CCDC69: variants seen among roughly 807,000 people sequenced by gnomAD.
CCDC69 encodes coiled-coil domain containing 69.
Under a neutral mutation model 40.3 loss-of-function variants are expected in CCDC69, and 38 were observed. The ratio of observed to expected loss-of-function variants is 0.94; its 90% CI spans 0.73 to 1.24. The LOEUF is 1.24. CCDC69 is among the 50% of genes most tolerant of loss of function. The pLI, the probability that CCDC69 is intolerant of heterozygous loss-of-function variation, is 0.00. For synonymous variants in CCDC69, 141 were observed against 138.9 expected (o/e 1.02, Z -0.11); for missense variants, 389 against 357.9 (o/e 1.09, Z -0.70).
chr5:151,224,057 C>T lies in CCDC69; in HGVS notation c.-87G>A. 1 of 1,247,550 alleles carries T rather than the reference C, an allele frequency of 8.0e-7. No homozygotes were observed. The highest frequency in any genetic ancestry group is 1.6e-5 in the African/African-American group (1 of 62,780). 77.3% of individuals were successfully genotyped at this position (1,247,550 alleles called of 1,614,324 possible). The stretch of plus-strand genomic sequence containing the variant: ...TCCGGGCCCCGCTGCCCGCTCCGCG[C>T]CCGCCGGCTGGGGCTGCCGGCGAGA... On this transcript the variant is annotated 5_prime_UTR_variant, in exon 1 of 9. Transcript: ENST00000355417.
At chr5:151,216,520 G>A (rs111987430) in intron 1 of CCDC69, among the ~76,000 whole-genome samples, 12,894 of 148,638 alleles carry the variant, frequency 0.087, 695 homozygotes, top group Middle Eastern at 0.14. Context: ...AGGTTCCAGC[G>A]ATTCTCCTGC....
At chr5:151,189,807 G>C (rs1431038192) in intron 4 of CCDC69, among the ~76,000 whole-genome samples, 2 of 152,168 alleles carry the variant, frequency 1.3e-5, no homozygotes, top group East Asian at 3.8e-4. Context: ...AGAAACCTTA[G>C]AGACCAGAAG....
intron 1 of CCDC69, among the ~76,000 whole-genome samples, chr5:151,217,495 T>C (rs1452152626): frequency 6.6e-6 from 1 of 152,212 alleles, no homozygotes; most frequent in Non-Finnish European, 1.5e-5. Context: ...ACGCACTTGG[T>C]GGCTGAAAAC....
intron 4 of CCDC69, among the ~76,000 whole-genome samples, chr5:151,197,606 G>A (rs939104696): frequency 6.6e-6 from 1 of 152,008 alleles, no homozygotes; most frequent in African/African-American, 2.4e-5. Context: ...GTTTCCTTTT[G>A]GGGTGATGGC....
intron 1 of CCDC69, chr5:151,215,665 G>A: frequency 2.5e-6 from 1 of 393,946 alleles, no homozygotes; most frequent in Non-Finnish European, 5.4e-6. Flanking sequence ...AAGGGTGGTT[G>A]TAAAAGAGAG....
At chr5:151,198,591 C>A (rs143320878) in intron 4 of CCDC69, among the ~76,000 whole-genome samples, 2 of 152,198 alleles carry the variant, frequency 1.3e-5, no homozygotes, top group East Asian at 3.9e-4. Flanking sequence ...GTGATGATCA[C>A]CTTTGGTGAT....
intron 1 of CCDC69, among the ~76,000 whole-genome samples, chr5:151,207,940 T>G (rs561787145): frequency 3.3e-5 from 5 of 152,162 alleles, no homozygotes; most frequent in Admixed American, 3.3e-4. Context: ...TAGATTCAAT[T>G]TTAAGAAACA....
chr5:151,202,887 G>A (rs1752795047), intron 2 of CCDC69, among the ~76,000 whole-genome samples: 1 of 152,164 alleles, frequency 6.6e-6, no homozygotes, highest in African/African-American at 2.4e-5. Context: ...CCACATGAGT[G>A]AGGCTGAGAT....
At chr5:151,193,829 A>G (rs1752658315) in intron 4 of CCDC69, among the ~76,000 whole-genome samples, 1 of 152,212 alleles carries the variant, frequency 6.6e-6, no homozygotes, top group African/African-American at 2.4e-5. Flanking sequence ...CTAGGAGAAA[A>G]TATGTGCAAA....
At chr5:151,217,612 C>T (rs1742689385) in intron 1 of CCDC69, among the ~76,000 whole-genome samples, 1 of 152,184 alleles carries the variant, frequency 6.6e-6, no homozygotes, top group African/African-American at 2.4e-5. Flanking sequence ...TTACCTCCCT[C>T]TCTCCCAGAT....
At chr5:151,198,852 C>G in intron 4 of CCDC69, 145 bp downstream of exon 4, 1 of 688,530 alleles carries the variant, frequency 1.5e-6, no homozygotes, top group East Asian at 2.5e-5. Flanking sequence ...CCCTCTAGGG[C>G]CAAGGATCCT....
intron 4 of CCDC69, among the ~76,000 whole-genome samples, chr5:151,191,454 G>A (rs762181336): frequency 2.0e-5 from 3 of 152,150 alleles, no homozygotes; most frequent in East Asian, 1.9e-4. Flanking sequence ...AAACAAGATC[G>A]ACCATACCCT....
chr5:151,223,877 A>T (rs1423875680), intron 1 of CCDC69, 46 bp downstream of exon 1: 2 of 1,574,240 alleles, frequency 1.3e-6, no homozygotes, highest in Admixed American at 1.8e-5. Flanking sequence ...GCGATTCCGC[A>T]CTCCCCTCTC....
Position 151,187,370 on chromosome 5 carries a change from AC to A in CCDC69, c.393+15del. 6.2e-7 allele frequency: 1 copy of A among 1,612,724 alleles called. No homozygotes were observed. The highest frequency in any genetic ancestry group is 1.3e-5 in the African/African-American group (1 of 74,982). ...CTTACCCTTATCCAAGACTGACACG[AC>A]CCAGCCCCTCTCACCTGCTGGGTAG... On this transcript the variant is annotated intron_variant, in intron 5 of 8. Coordinates refer to ENST00000355417, the MANE Select transcript of CCDC69 (RefSeq NM_015621.3).
chr5:151,195,918 T>C (rs751183107), intron 4 of CCDC69, among the ~76,000 whole-genome samples: 1 of 152,112 alleles, frequency 6.6e-6, no homozygotes, highest in Non-Finnish European at 1.5e-5. Context: ...AGTTATTCCA[T>C]CTGGGTAAAT....
Position 151,201,681 on chromosome 5 carries a change from A to G in CCDC69, c.132T>C (p.Thr44=), listed in dbSNP as rs754935914. Reference sequence around the variant, plus strand: ...CCTCCTCTGATGCACAGAGCTGGACAGTTATAGCTAGAGATGAAAAAGCAA... The same window carrying G: ...CCTCCTCTGATGCACAGAGCTGGACGGTTATAGCTAGAGATGAAAAAGCAA... The part of the protein sequence containing the change: ...LGPLNGDTAI[T]VQLCASEEAE... Residue 44 remains threonine, a synonymous_variant, in exon 3 of 9, where the codon ACT becomes ACC. Coordinates refer to ENST00000355417, the MANE Select transcript of CCDC69 (RefSeq NM_015621.3). 2 of 1,596,598 alleles carry G rather than the reference A, an allele frequency of 1.3e-6. No individual in the cohort carries two copies. Among genetic ancestry groups the G allele is most frequent in the East Asian group, 2.2e-5 (1 of 44,454 alleles).
intron 1 of CCDC69, among the ~76,000 whole-genome samples, chr5:151,219,513 G>A (rs1582053642): frequency 6.6e-6 from 1 of 152,234 alleles, no homozygotes; most frequent in South Asian, 2.1e-4. Context: ...ACAGCCACAG[G>A]ACATTAGGTA....
At chr5:151,201,745 G>T in intron 2 of CCDC69, 57 bp from the exon 3 acceptor site, 1 of 1,125,608 alleles carries the variant, frequency 8.9e-7, no homozygotes, top group Non-Finnish European at 1.3e-6. Context: ...TGGAAGTACA[G>T]TCAGAGCTGG....
chr5:151,210,427 C>A (rs1752929850), intron 1 of CCDC69, among the ~76,000 whole-genome samples: 1 of 151,926 alleles, frequency 6.6e-6, no homozygotes, highest in Admixed American at 6.6e-5. Flanking sequence ...GCCTCTAACC[C>A]CAGCTACTTG....
Sources: allele counts gnomAD v4.1 joint callset (sites outside exome capture counted in the v4.1 genomes callset), GRCh38; gene constraint gnomAD v4.1.1; transcripts MANE v1.5; gene names NCBI Gene and HGNC (gene_info 2026-07-23, HGNC 2026-07-21).